The following ZNF451 variants were observed in gnomAD, a reference collection of about 807,000 sequenced individuals.
The protein encoded by ZNF451 is zinc finger protein 451, also known as E3 SUMO-protein ligase ZNF451.
ZNF451 carries 80 observed loss-of-function variants against 107.1 expected under a neutral mutation model. That is an observed-to-expected ratio of 0.75 (90% CI 0.62 to 0.90). ZNF451 has a LOEUF of 0.90. Ranked by LOEUF, ZNF451 falls within the 40% of genes least tolerant of loss-of-function variation. The pLI, the probability that ZNF451 is intolerant of heterozygous loss-of-function variation, is 0.00. For synonymous variants in ZNF451, 362 were observed against 406.5 expected, an observed-to-expected ratio of 0.89 and a Z score of 1.32; for missense variants, 1,107 against 1,236.2, an observed-to-expected ratio of 0.90 and a Z score of 1.57.
intron 6 of ZNF451, 145 bp from the exon 7 acceptor site, chr6:57,134,599 G>T: frequency 1.6e-6 from 1 of 618,216 alleles, no homozygotes; most frequent in Non-Finnish European, 2.7e-6. Context: ...TACTGTATAT[G>T]AAGAACATTA....
chr6:57,161,810 C>T (rs1340372252), intron 14 of ZNF451, among the ~76,000 whole-genome samples: 1 of 152,046 alleles, frequency 6.6e-6, no homozygotes, highest in Non-Finnish European at 1.5e-5. Context: ...TTCTTGTGCC[C>T]CAGCCTCCAC....
At chr6:57,123,995 C>T (rs976904147) in intron 3 of ZNF451, among the ~76,000 whole-genome samples, 1 of 152,112 alleles carries the variant, frequency 6.6e-6, no homozygotes, top group Admixed American at 6.6e-5. Context: ...TCTTTTATTT[C>T]TTTTTCTCAT....
At chr6:57,124,619 G>T (rs891692841) in intron 3 of ZNF451, 115 bp from the exon 4 acceptor site, 10 of 781,282 alleles carry the variant, frequency 1.3e-5, no homozygotes, top group Non-Finnish European at 1.5e-5. Flanking sequence ...ACACAAAATA[G>T]GTTCTTATAA....
chr6:57,130,102 C>T (rs1030807071), intron 5 of ZNF451, among the ~76,000 whole-genome samples: 12 of 152,068 alleles, frequency 7.9e-5, no homozygotes, highest in African/African-American at 1.4e-4. Flanking sequence ...TACTTTTTAG[C>T]GTCAGTTCCT....
At chr6:57,161,422 A>G (rs1188732283) in intron 14 of ZNF451, among the ~76,000 whole-genome samples, 1 of 152,156 alleles carries the variant, frequency 6.6e-6, no homozygotes, top group Non-Finnish European at 1.5e-5. Context: ...AGTATTGTCT[A>G]TGCTATTGCT....
chr6:57,165,158 T>C (rs1763839167), intron 14 of ZNF451: 2 of 152,208 alleles, frequency 1.3e-5, no homozygotes, highest in African/African-American at 4.8e-5. Flanking sequence ...TGTTTCTCTC[T>C]TGTTGTTTTC....
chr6:57,111,555 ATTT>A (rs1830117406), intron 3 of ZNF451, among the ~76,000 whole-genome samples: 1 of 151,720 alleles, frequency 6.6e-6, no homozygotes. Context: ...TAATTTTTGT[ATTT>A]TTAGTAGATA....
intron 9 of ZNF451, among the ~76,000 whole-genome samples, chr6:57,145,170 T>C (rs1286253958): frequency 1.3e-5 from 2 of 152,210 alleles, no homozygotes; most frequent in Admixed American, 6.5e-5. Context: ...TCTATTTTTT[T>C]ATTTTCCTAG....
intron 3 of ZNF451, chr6:57,108,321 C>A (rs1829963310): frequency 1.0e-6 from 1 of 985,250 alleles, no homozygotes; most frequent in Admixed American, 6.2e-5. Context: ...CTGTTAAGGG[C>A]TACAGTTAGA....
At chr6:57,093,062 C>G (rs1325630676) in intron 2 of ZNF451, 2 of 152,138 alleles carry the variant, frequency 1.3e-5, no homozygotes, top group Non-Finnish European at 2.9e-5. Context: ...GTCTGTTGTT[C>G]TTATTTCTGT....
chr6:57,158,783 C>T (rs1593172426), intron 13 of ZNF451: 1 of 985,400 alleles, frequency 1.0e-6, no homozygotes, highest in Non-Finnish European at 1.2e-6. Flanking sequence ...TCTGTATGCT[C>T]CTTAGATGGT....
chr6:57,154,351 G>C (rs759439934), intron 13 of ZNF451: 42 of 451,066 alleles, frequency 9.3e-5, no homozygotes, highest in Non-Finnish European at 1.3e-4. Flanking sequence ...TAAAAGCTCA[G>C]AATTCAGATC....
chr6:57,134,661 T>C (rs1831344335), intron 6 of ZNF451, 83 bp from the exon 7 acceptor site: 1 of 1,298,976 alleles, frequency 7.7e-7, no homozygotes, highest in Admixed American at 2.0e-5. Context: ...TGTATGTGTT[T>C]AGCTTCACAA....
chr6:57,108,433 A>G, intron 3 of ZNF451: 19 of 985,420 alleles, frequency 1.9e-5, no homozygotes, highest in Non-Finnish European at 2.3e-5. Flanking sequence ...TGGTCCCTTA[A>G]TACCTCTTTT....
intron 3 of ZNF451, chr6:57,109,703 T>C (rs909933081): frequency 3.1e-6 from 3 of 965,540 alleles, no homozygotes; most frequent in African/African-American, 3.5e-5. Context: ...TTAAAAGATA[T>C]ATTTAAAGTA....
chr6:57,156,249 T>A (rs918472255), intron 13 of ZNF451, among the ~76,000 whole-genome samples: 11 of 152,338 alleles, frequency 7.2e-5, no homozygotes, highest in African/African-American at 2.6e-4. Flanking sequence ...TTTTTCTTCA[T>A]GGAAGACTTA....
intron 3 of ZNF451, chr6:57,116,373 G>A (rs34342259): frequency 0.01 from 1,581 of 152,314 alleles, 21 homozygotes; most frequent in Middle Eastern, 0.017. Context: ...CCAACATGGC[G>A]AAACCCCATC....
chr6:57,098,344 C>G (rs1219514398), intron 2 of ZNF451, among the ~76,000 whole-genome samples: 1 of 151,724 alleles, frequency 6.6e-6, no homozygotes. Flanking sequence ...AATAATCAAT[C>G]TCTTTTAGTT....
At chr6:57,119,312 A>G (rs980467697) in intron 3 of ZNF451, among the ~76,000 whole-genome samples, 1 of 152,154 alleles carries the variant, frequency 6.6e-6, no homozygotes, top group African/African-American at 2.4e-5. Flanking sequence ...AGATCACCTT[A>G]GGTCAGGAGT....
Sources: gnomAD v4.1 joint callset for allele counts (sites outside exome capture counted in the v4.1 genomes callset) on GRCh38, gnomAD v4.1.1 for gene constraint, MANE v1.5 for transcripts, NCBI Gene and HGNC (gene_info 2026-07-23, HGNC 2026-07-21) for gene names.